Variants in PFKM observed in about 807,000 individuals in gnomAD.
PFKM encodes the protein ATP-dependent 6-phosphofructokinase, muscle type.
A neutral mutation model predicts 95.5 loss-of-function variants in PFKM; 58 were observed. That is an observed-to-expected ratio of 0.61 (90% confidence interval 0.49 to 0.76). PFKM has a LOEUF of 0.76. Among genes scored for constraint, PFKM ranks in the 30% least tolerant of loss-of-function variants. PFKM has a pLI of 0.00. For synonymous variants in PFKM, 336 were observed against 357.2 expected (o/e 0.94, Z 0.67); for missense variants, 678 against 1,005.4 (o/e 0.67, Z 4.40).
Position 48,141,927 on chromosome 12 carries a change from G to C in PFKM, c.1514G>C (p.Gly505Ala), listed in dbSNP as rs774891977. 2.5e-6 allele frequency: 4 copies of C among 1,614,036 alleles called. No homozygotes were observed. In the South Asian group the frequency reaches 4.4e-5, roughly 18 times the overall value. The change falls in exon 17 of 23, where the codon GGC becomes GCC. Residue 505 changes from glycine to alanine, a missense_variant. By Grantham distance (60) the Gly-to-Ala change is moderately conservative. Coordinates refer to ENST00000359794, the MANE Select transcript of PFKM (RefSeq NM_000289.6). ...TCTTCTTCTTAGGCTTACACAGGGG[G>C]CCTGGAACTGATGGAGGGCAGGAAG... ...IIGGFEAYTG[G>A]LELMEGRKQF...
chr12:48,145,403 T>C lies in PFKM; in HGVS notation c.2198+88T>C. The C allele has an allele frequency of 1.5e-6, 2 of 1,340,818 alleles. No homozygotes were observed. The highest frequency in any genetic ancestry group is 2.1e-6 in the Non-Finnish European group (2 of 943,804). The allele number at this position is 1,340,818 out of a possible 1,614,324, so 83.1% of individuals were successfully genotyped here. A position where few individuals can be genotyped will look rare whatever the true frequency, so the allele number is the denominator to read the frequency against. ...AACCTGTTCACTGTCTTTAATTCTTTTTTTTTTTTAAGGAGTAACACCTGT... is the reference window on the plus strand; with the variant it reads ...AACCTGTTCACTGTCTTTAATTCTTCTTTTTTTTTAAGGAGTAACACCTGT... On this transcript the variant is annotated intron_variant, in intron 22 of 22. Coordinates refer to ENST00000359794, the MANE Select transcript of PFKM (RefSeq NM_000289.6). This position sits in a 1 kb window ranked among gnomAD's most constrained non-coding sequence, Gnocchi z 4.3.
At chr12:48,132,764 T>G in intron 4 of PFKM, 104 bp from the exon 5 acceptor site, 1 of 989,112 alleles carries the variant, frequency 1.0e-6, no homozygotes, top group African/African-American at 1.6e-5. Flanking sequence ...AGGAACTTTC[T>G]AGGGAGTCAC....
Position 48,141,937 on chromosome 12 carries a change from G to A in PFKM, c.1524G>A (p.Leu508=), listed in dbSNP as rs1950610285. 3.1e-6 allele frequency: 5 copies of A among 1,614,148 alleles called. No individual in the cohort carries two copies. Among genetic ancestry groups the A allele is most frequent in the Non-Finnish European group, 3.4e-6 (4 of 1,180,024 alleles). ...GFEAYTGGLE[L]MEGRKQFDEL... is the part of the protein sequence containing the mutation. Reference sequence around the variant, plus strand: ...AGGCTTACACAGGGGGCCTGGAACTGATGGAGGGCAGGAAGCAGTTTGATG... The same window carrying A: ...AGGCTTACACAGGGGGCCTGGAACTAATGGAGGGCAGGAAGCAGTTTGATG... The change falls in exon 17 of 23, where the codon CTG becomes CTA. Residue 508 remains leucine (L), a synonymous_variant. Transcript: ENST00000359794.
At chr12:48,128,128 C>T (rs1029938283) in intron 2 of PFKM, among the ~76,000 whole-genome samples, 2 of 152,176 alleles carry the variant, frequency 1.3e-5, no homozygotes, top group Non-Finnish European at 2.9e-5. Flanking sequence ...TCAAATTATC[C>T]ACCTGACAGA....
rs1472055833 is a variant in PFKM at position 48,108,168 on chromosome 12, TG to T, written c.182del (p.Gly61GlufsTer12). The T allele has an allele frequency of 6.3e-7, 1 of 1,598,778 alleles. No individual in the cohort carries two copies. The highest frequency in any genetic ancestry group is 1.1e-5 in the South Asian group (1 of 90,982). On this transcript the variant is annotated frameshift_variant, in exon 3 of 25. Transcript: ENST00000340802. LOFTEE classifies it high-confidence loss of function. ...GATACTATGGATGATCCAGACACCGTGGGAAGCATACCTGTTTTCAAAACTG... is the reference window on the plus strand; with the variant it reads ...GATACTATGGATGATCCAGACACCGTGGAAGCATACCTGTTTTCAAAACTG...
At position 48,135,280 on chromosome 12, in the gene PFKM, G is replaced by T. The variant is rs1228471825; in HGVS notation, c.844-11G>T. ...GTAACCCTCTCTCTGTCCCTCTGTTGGTCCCTTCAGCTGGTGGTTAAGCGT... is the reference window on the plus strand; with the variant it reads ...GTAACCCTCTCTCTGTCCCTCTGTTTGTCCCTTCAGCTGGTGGTTAAGCGT... On this transcript the variant is annotated splice_polypyrimidine_tract_variant and intron_variant, in intron 9 of 22. Transcript: ENST00000359794. The T allele has an allele frequency of 5.0e-6, 8 of 1,608,980 alleles. No individual in the cohort carries two copies. Among genetic ancestry groups the T allele is most frequent in the Non-Finnish European group, 6.8e-6 (8 of 1,175,304 alleles).
Position 48,126,050 on chromosome 12 carries a change from C to T in PFKM, c.85+3191C>T, listed in dbSNP as rs773555068. ...TTTCTAAAACCTCTTCCCAATATGCCGTAATTGGAGACTCCAAACTACGTG... is the reference window on the plus strand; with the variant it reads ...TTTCTAAAACCTCTTCCCAATATGCTGTAATTGGAGACTCCAAACTACGTG... On this transcript the variant is annotated intron_variant, in intron 2 of 22. Coordinates refer to ENST00000359794, the MANE Select transcript of PFKM (RefSeq NM_000289.6). Among the ~76,000 whole-genome samples, 4 of 152,212 alleles carry T rather than the reference C, an allele frequency of 2.6e-5. No individual in the cohort carries two copies. In the East Asian group the frequency reaches 5.8e-4, roughly 22 times the overall value.
At chr12:48,122,730 C>G in intron 1 of PFKM, 37 bp from the exon 2 acceptor site, 1 of 1,613,472 alleles carries the variant, frequency 6.2e-7, no homozygotes, top group Non-Finnish European at 8.5e-7. Context: ...ATCTTGATTC[C>G]TGCTGTGTCT....
At chr12:48,116,177 C>T (rs1947661331), upstream of PFKM, among the ~76,000 whole-genome samples, 1 of 145,306 alleles carries the variant, frequency 6.9e-6, no homozygotes, top group Non-Finnish European at 1.5e-5. Context: ...TCCTTCCTTT[C>T]TTCCTCTCCC....
chr12:48,112,696 G>A (rs1374269900), intron 3 of PFKM, among the ~76,000 whole-genome samples: 3 of 152,190 alleles, frequency 2.0e-5, no homozygotes, highest in Non-Finnish European at 4.4e-5. Context: ...CCACGGGGTG[G>A]ATAAGCAAGA....
At chr12:48,141,625 G>T (rs894577651) in intron 15 of PFKM, 115 bp from the exon 16 acceptor site, 1 of 891,222 alleles carries the variant, frequency 1.1e-6, no homozygotes. Context: ...GGCGGCACAG[G>T]TCAAGAAATT....
Position 48,141,974 on chromosome 12 carries a change from C to T in PFKM, c.1561C>T (p.Pro521Ser). 1.2e-6 allele frequency: 2 copies of T among 1,614,042 alleles called. No individual in the cohort carries two copies. The highest frequency in any genetic ancestry group is 8.5e-7 in the Non-Finnish European group (1 of 1,179,938). ...GRKQFDELCIPFVVIPATVSN... is the reference protein window; with the variant it reads ...GRKQFDELCISFVVIPATVSN... ...GAAGCAGTTTGATGAGCTCTGCATC[C>T]CATTTGTGGTCATTCCTGCTACAGT... Residue 521 changes from proline to serine, a missense_variant, in exon 17 of 23, where the codon CCA (proline) becomes TCA (serine). Coordinates refer to ENST00000359794, the MANE Select transcript of PFKM (RefSeq NM_000289.6).
chr12:48,137,746 T>C lies in PFKM; in HGVS notation c.962T>C (p.Val321Ala), dbSNP rs200252404. 7.4e-5 allele frequency: 120 copies of C among 1,614,020 alleles called. No homozygotes were observed. The highest frequency in any genetic ancestry group is 9.7e-5 in the Non-Finnish European group (114 of 1,180,014). Reference protein sequence around the residue: ...ILGSRMGVEAVMALLEGTPDT... With the variant: ...ILGSRMGVEAAMALLEGTPDT... Reference sequence around the variant, plus strand: ...GGCAGCAGGATGGGTGTGGAAGCAGTGATGGCACTTTTGGAGGGGACCCCA... The same window carrying C: ...GGCAGCAGGATGGGTGTGGAAGCAGCGATGGCACTTTTGGAGGGGACCCCA... Residue 321 changes from valine to alanine, a missense_variant, in exon 11 of 23, where the codon GTG becomes GCG. By Grantham distance (64) the Val-to-Ala change is moderately conservative. Coordinates refer to ENST00000359794, the MANE Select transcript of PFKM (RefSeq NM_000289.6).
chr12:48,113,613 C>T (rs61918812), intron 3 of PFKM, among the ~76,000 whole-genome samples: 1 of 152,172 alleles, frequency 6.6e-6, no homozygotes, highest in Non-Finnish European at 1.5e-5. Flanking sequence ...CTGGGGGAGG[C>T]GGTCCTGGAG....
intron 3 of PFKM, among the ~76,000 whole-genome samples, chr12:48,110,153 G>A (rs558017968): frequency 6.5e-4 from 99 of 152,300 alleles, no homozygotes; most frequent in African/African-American, 2.2e-3. Context: ...AGACCTGAGG[G>A]ATGAGTATGC....
rs1166389532 is a variant in PFKM, at chr12:48,136,692, C to CTT, written c.937-1005_937-1004dup. Among the ~76,000 whole-genome samples, 191 of 63,008 alleles carry CTT rather than the reference C, an allele frequency of 3.0e-3. 4 individuals are homozygous for CTT. Among genetic ancestry groups the CTT allele is most frequent in the Middle Eastern group, 0.014 (1 of 70 alleles). The allele number at this position is 63,008 out of a possible 152,430, so 41.3% of individuals were successfully genotyped here. A position where few individuals can be genotyped will look rare whatever the true frequency, so the allele number is the denominator to read the frequency against. ...CCTTACCAGCATTTGGGGGTCGTCACTTTTTTTTTTTTTTTTTTTTTTTTT... is the reference window on the plus strand; with the variant it reads ...CCTTACCAGCATTTGGGGGTCGTCACTTTTTTTTTTTTTTTTTTTTTTTTTTT... On this transcript the variant is annotated intron_variant, in intron 10 of 22. Coordinates refer to ENST00000359794, the MANE Select transcript of PFKM (RefSeq NM_000289.6).
rs1950913988 is a variant in PFKM at position 48,145,057 on chromosome 12, G to A, written c.2019G>A (p.Arg673=). The change falls in exon 21 of 23, where the codon AGG becomes AGA. Residue 673 remains arginine (R), a synonymous_variant. Transcript: ENST00000359794. This position sits in a 1 kb window ranked among gnomAD's most constrained non-coding sequence, Gnocchi z 4.3. The part of the protein sequence containing the change: ...QQGGSPTPFD[R]NFATKMGAKA... ...GTGGGAGCCCAACCCCATTTGATAG[G>A]AATTTTGCCACTAAGATGGGCGCCA... The A allele has an allele frequency of 1.2e-6, 2 of 1,613,986 alleles. No individual in the cohort carries two copies. The highest frequency in any genetic ancestry group is 1.7e-6 in the Non-Finnish European group (2 of 1,179,924).
chr12:48,134,648 G>A, intron 7 of PFKM, 73 bp from the exon 8 acceptor site: 2 of 1,063,944 alleles, frequency 1.9e-6, no homozygotes, highest in South Asian at 2.6e-5. Flanking sequence ...AGGACTAGGA[G>A]AACTTGTTGG....
chr12:48,107,038 T>C (rs921813840), intron 1 of PFKM, among the ~76,000 whole-genome samples: 2 of 152,156 alleles, frequency 1.3e-5, no homozygotes, highest in Admixed American at 6.5e-5. Flanking sequence ...CCAGGCCCTG[T>C]AGAAGTCTTA....
Sources: gnomAD v4.1 joint callset for allele counts (sites outside exome capture counted in the v4.1 genomes callset) on GRCh38, gnomAD v4.1.1 for gene constraint, Gnocchi (gnomAD v3.1) non-coding constraint, MANE v1.5 for transcripts, NCBI Gene and HGNC (gene_info 2026-07-23, HGNC 2026-07-21) for gene names.